Variants in ANKRD13B observed in about 807,000 individuals in gnomAD.
ANKRD13B encodes the protein ankyrin repeat domain 13B, also known as ankyrin repeat domain-containing protein 13B.
ANKRD13B carries 33 observed loss-of-function variants against 74.4 expected under a neutral mutation model. That is an observed-to-expected ratio of 0.44 (90% CI 0.34 to 0.59). The LOEUF is 0.59. Among genes scored for constraint, ANKRD13B ranks in the 20% least tolerant of loss-of-function variants. ANKRD13B has a pLI of 0.02. For missense variants in ANKRD13B, 676 were observed against 877.9 expected (o/e 0.77, Z 2.91); for synonymous variants, 341 against 362.9 (o/e 0.94, Z 0.68).
chr17:29,612,348 A>C lies in ANKRD13B; in HGVS notation c.1259-54A>C. ...TTTAGATGAGGTCGGGGTGGGGCTG[A>C]GGCTGAGGTGTGAGGGGCTGAGTGG... is the stretch of plus-strand genomic sequence containing the variant. On this transcript the variant is annotated intron_variant, in intron 11 of 14. Coordinates refer to ENST00000394859, the MANE Select transcript of ANKRD13B (RefSeq NM_152345.5). The surrounding 1 kb of genome is among the most constrained non-coding windows in gnomAD (Gnocchi z 6.1). 6 of 1,610,644 alleles carry C rather than the reference A, an allele frequency of 3.7e-6. No individual in the cohort carries two copies. The highest frequency in any genetic ancestry group is 5.1e-6 in the Non-Finnish European group (6 of 1,177,852).
In ANKRD13B at chr17:29,611,819, G is replaced by A. The variant is rs2034588628; in HGVS notation, c.970-57G>A. On this transcript the variant is annotated intron_variant, in intron 9 of 14. Coordinates refer to ENST00000394859, the MANE Select transcript of ANKRD13B (RefSeq NM_152345.5). The surrounding 1 kb of genome is among the most constrained non-coding windows in gnomAD (Gnocchi z 4.3). ...TTGGGGGCCTTGTGACAACAAATGA[G>A]TTGGCCTGGCATTAGGAACTGAGGG... 2 of 1,564,842 alleles carry A rather than the reference G, an allele frequency of 1.3e-6. No individual in the cohort carries two copies. Among genetic ancestry groups the A allele is most frequent in the African/African-American group, 1.4e-5 (1 of 73,592 alleles).
intron 1 of ANKRD13B, among the ~76,000 whole-genome samples, chr17:29,605,447 T>TATATATATACACACAC (rs1170490022): frequency 6.6e-6 from 1 of 151,688 alleles, no homozygotes. Flanking sequence ...CACACACACA[T>TATATATATACACACAC]ATATATATAC....
chr17:29,593,871 G>T, intron 1 of ANKRD13B, 136 bp downstream of exon 1: 1 of 470,084 alleles, frequency 2.1e-6, no homozygotes, highest in Non-Finnish European at 3.4e-6. Flanking sequence ...CGCGGCTTTT[G>T]TGCTTGTTGA....
Position 29,611,493 on chromosome 17 carries a change from C to A in ANKRD13B, c.905-86C>A. 1 of 1,440,356 alleles carries A rather than the reference C, an allele frequency of 6.9e-7. No individual in the cohort carries two copies. The highest frequency in any genetic ancestry group is 9.8e-7 in the Non-Finnish European group (1 of 1,025,338). 89.2% of individuals were successfully genotyped at this position (1,440,356 alleles called of 1,614,324 possible). ...CCCACCCCAGGAACCGGCCTCCTCC[C>A]TAGGTCTTGGGTGCTGTCACCTCTG... On this transcript the variant is annotated intron_variant, in intron 8 of 14. Coordinates refer to ENST00000394859, the MANE Select transcript of ANKRD13B (RefSeq NM_152345.5). This position sits in a 1 kb window ranked among gnomAD's most constrained non-coding sequence, Gnocchi z 4.3.
chr17:29,602,117 C>T (rs901332096), intron 1 of ANKRD13B, among the ~76,000 whole-genome samples: 10 of 152,128 alleles, frequency 6.6e-5, no homozygotes, highest in East Asian at 1.9e-4. Flanking sequence ...AATATTTGGC[C>T]GGGTGTGGTG....
chr17:29,606,305 T>A (rs1287100199), intron 1 of ANKRD13B, among the ~76,000 whole-genome samples: 1 of 146,582 alleles, frequency 6.8e-6, no homozygotes, highest in African/African-American at 2.5e-5. Flanking sequence ...ACGCCTGTAA[T>A]CCCAACACTT....
Position 29,593,630 on chromosome 17 carries a change from C to T in ANKRD13B, c.9C>T (p.Pro3=), listed in dbSNP as rs1376870898. 2.9e-6 allele frequency: 4 copies of T among 1,383,418 alleles called. No homozygotes were observed. The highest frequency in any genetic ancestry group is 3.8e-6 in the Non-Finnish European group (4 of 1,053,940). 85.7% of individuals were successfully genotyped at this position (1,383,418 alleles called of 1,614,324 possible). MI[P]ANASARKGPE... ...GGCATGAGGAGCGGGCGATGATCCC[C>T]GCCAACGCCTCCGCCAGGAAGGGGC... Residue 3 remains proline (P), a synonymous_variant, in exon 1 of 15, where the codon CCC becomes CCT. Transcript: ENST00000394859.
In ANKRD13B at chr17:29,612,529, C is replaced by T; in HGVS notation, c.1386C>T (p.Ser462=). 6 of 1,565,770 alleles carry T rather than the reference C, an allele frequency of 3.8e-6. No individual in the cohort carries two copies. Among genetic ancestry groups the T allele is most frequent in the Non-Finnish European group, 5.2e-6 (6 of 1,155,562 alleles). ...CGCCTTCCCCAGGCAGCGACTCCTCCAGCGTCAGCAGCTCCAGCTCCACGA... is the reference window on the plus strand; with the variant it reads ...CGCCTTCCCCAGGCAGCGACTCCTCTAGCGTCAGCAGCTCCAGCTCCACGA... The part of the protein sequence containing the change: ...SETPSPGSDS[S]SVSSSSSTTS... Residue 462 remains serine, a synonymous_variant, in exon 12 of 15, where the codon TCC becomes TCT. Transcript: ENST00000394859. This position sits in a 1 kb window ranked among gnomAD's most constrained non-coding sequence, Gnocchi z 6.1.
Position 29,611,810 on chromosome 17 carries a change from A to G in ANKRD13B, c.970-66A>G. 1 of 1,565,624 alleles carries G rather than the reference A, an allele frequency of 6.4e-7. No individual in the cohort carries two copies. Among genetic ancestry groups the G allele is most frequent in the East Asian group, 2.3e-5 (1 of 44,348 alleles). ...GGGGACAGCTTGGGGGCCTTGTGAC[A>G]ACAAATGAGTTGGCCTGGCATTAGG... is the stretch of plus-strand genomic sequence containing the variant. On this transcript the variant is annotated intron_variant, in intron 9 of 14. Transcript: ENST00000394859. This position sits in a 1 kb window ranked among gnomAD's most constrained non-coding sequence, Gnocchi z 4.3.
Position 29,612,358 on chromosome 17 carries a change from G to A in ANKRD13B, c.1259-44G>A, listed in dbSNP as rs201309202. On this transcript the variant is annotated intron_variant, in intron 11 of 14. Transcript: ENST00000394859. The surrounding 1 kb of genome is among the most constrained non-coding windows in gnomAD (Gnocchi z 6.1). The stretch of plus-strand genomic sequence containing the variant: ...GTCGGGGTGGGGCTGAGGCTGAGGT[G>A]TGAGGGGCTGAGTGGTGGCGCCTAA... 66 of 1,611,616 alleles carry A rather than the reference G, an allele frequency of 4.1e-5. 1 individual carries two copies. The South Asian group carries it at 7.0e-4, about 17-fold the overall frequency.
In ANKRD13B at chr17:29,608,137, G is replaced by A. The variant is rs201268799; in HGVS notation, c.375+27G>A. The A allele has an allele frequency of 9.3e-6, 15 of 1,613,652 alleles. No homozygotes were observed. Among genetic ancestry groups the A allele is most frequent in the Middle Eastern group, 1.7e-4 (1 of 6,034 alleles). ...TGAGGCCCAGCCTCTCAGCCTCCAC[G>A]GGAGCCCTTGAGCCCTTCTCCAGTG... On this transcript the variant is annotated intron_variant, in intron 3 of 14. Transcript: ENST00000394859. This position sits in a 1 kb window ranked among gnomAD's most constrained non-coding sequence, Gnocchi z 6.4.
At chr17:29,613,271 C>T (rs1419387744) in intron 14 of ANKRD13B, 83 bp from the exon 15 acceptor site, 2 of 1,394,534 alleles carry the variant, frequency 1.4e-6, no homozygotes, top group East Asian at 2.9e-5. Context: ...CGCGGGCCGC[C>T]CTGGAGCCTC....
At position 29,609,694 on chromosome 17, in the gene ANKRD13B, C is replaced by G. The variant is rs559446147; in HGVS notation, c.822+273C>G. Among the ~76,000 whole-genome samples the G allele has an allele frequency of 6.6e-6, 1 of 152,214 alleles. No individual in the cohort carries two copies. Among genetic ancestry groups the G allele is most frequent in the Non-Finnish European group, 1.5e-5 (1 of 68,036 alleles). On this transcript the variant is annotated intron_variant, in intron 7 of 14. Transcript: ENST00000394859. This position sits in a 1 kb window ranked among gnomAD's most constrained non-coding sequence, Gnocchi z 4.0. ...CTGTTCTGTTAGTATTCCCATTTTA[C>G]GCATGTTTATTGAGTCCTTTCCTTG...
chr17:29,604,507 C>A (rs774302092), intron 1 of ANKRD13B, among the ~76,000 whole-genome samples: 2 of 150,484 alleles, frequency 1.3e-5, no homozygotes, highest in East Asian at 3.9e-4. Flanking sequence ...CCGTGCCTGG[C>A]CTTTGATGCT....
Position 29,611,795 on chromosome 17 carries a change from T to G in ANKRD13B, c.970-81T>G. On this transcript the variant is annotated intron_variant, in intron 9 of 14. Transcript: ENST00000394859. This position sits in a 1 kb window ranked among gnomAD's most constrained non-coding sequence, Gnocchi z 4.3. ...CGCCACACTGGCAGAGGGGACAGCT[T>G]GGGGGCCTTGTGACAACAAATGAGT... 6.4e-7 allele frequency: 1 copy of G among 1,565,790 alleles called. No homozygotes were observed. The highest frequency in any genetic ancestry group is 8.7e-7 in the Non-Finnish European group (1 of 1,152,436).
chr17:29,597,404 A>G (rs2033991729), intron 1 of ANKRD13B, among the ~76,000 whole-genome samples: 1 of 152,158 alleles, frequency 6.6e-6, no homozygotes, highest in Non-Finnish European at 1.5e-5. Context: ...ACGAGTGTGT[A>G]TCTGTATGGT....
chr17:29,613,169 A>G, intron 14 of ANKRD13B, 185 bp from the exon 15 acceptor site: 3 of 1,167,006 alleles, frequency 2.6e-6, no homozygotes, highest in South Asian at 3.2e-5. Context: ...CCAGGCATTG[A>G]CGGGGAGAAC....
Position 29,611,534 on chromosome 17 carries a change from G to A in ANKRD13B, c.905-45G>A. ...GTCACCTCTGATGAGGTGCCCAGGT[G>A]TGTGTGGAGTTGCGGTGTCCTCTGA... On this transcript the variant is annotated intron_variant, in intron 8 of 14. Transcript: ENST00000394859. This position sits in a 1 kb window ranked among gnomAD's most constrained non-coding sequence, Gnocchi z 4.3. 1 of 1,595,416 alleles carries A rather than the reference G, an allele frequency of 6.3e-7. No homozygotes were observed. Among genetic ancestry groups the A allele is most frequent in the Non-Finnish European group, 8.6e-7 (1 of 1,163,102 alleles).
chr17:29,610,889 C>T (rs148886113), intron 8 of ANKRD13B, 123 bp downstream of exon 8: 44 of 946,230 alleles, frequency 4.7e-5, no homozygotes, highest in South Asian at 8.4e-5. Context: ...TTATTCAGGC[C>T]GATAGATTTC....
Sources: allele counts gnomAD v4.1 joint callset (sites outside exome capture counted in the v4.1 genomes callset), GRCh38; gene constraint gnomAD v4.1.1; non-coding constraint Gnocchi (gnomAD v3.1); transcripts MANE v1.5; gene names NCBI Gene and HGNC (gene_info 2026-07-23, HGNC 2026-07-21).